C4orf54: variants seen among roughly 807,000 people sequenced by gnomAD.
C4orf54 encodes chromosome 4 open reading frame 54.
A neutral mutation model predicts 80.1 loss-of-function variants in C4orf54; 67 were observed. That is an observed-to-expected ratio of 0.84 (90% CI 0.69 to 1.03). The LOEUF (loss-of-function observed/expected upper bound fraction) is 1.03, where lower values mean the gene tolerates loss of function less well. Among genes scored for constraint, C4orf54 ranks in the 50% least tolerant of loss-of-function variants. The probability of loss-of-function intolerance (pLI) is 0.00; values close to 1 mark genes in which losing one functional copy is unlikely to be tolerated. For missense variants in C4orf54, 2,434 were observed against 2,253.5 expected (o/e 1.08, Z -1.62); for synonymous variants, 1,000 against 917.0 (o/e 1.09, Z -1.64).
At chr4:99,643,792 A>ACACACACACACACACCCCCC (rs61130907) in intron 2 of C4orf54, among the ~76,000 whole-genome samples, 2 of 98,906 alleles carry the variant, frequency 2.0e-5, no homozygotes, top group Admixed American at 2.3e-4. Flanking sequence ...ACACACACAC[A>ACACACACACACACACCCCCC]CCCCCTCCGC....
intron 2 of C4orf54, 93 bp downstream of exon 2, chr4:99,649,138 C>A: frequency 8.6e-7 from 1 of 1,159,822 alleles, no homozygotes; most frequent in Non-Finnish European, 1.2e-6. Context: ...CTAGAGACAG[C>A]CTCCTTTATT....
In C4orf54 at chr4:99,649,359, T is replaced by C; in HGVS notation, c.5290A>G (p.Ile1764Val). Residue 1764 changes from isoleucine (I) to valine (V), a missense_variant, in exon 2 of 3, where the codon ATC becomes GTC. Coordinates refer to ENST00000511828, the MANE Select transcript of C4orf54 (RefSeq NM_001354435.2). ...AFAQLHGKPV[I>V]SITSQPLGPR... ...CCCAGGGGCTGCGAAGTAATGCTGA[T>C]GACAGGCTTGCCATGCAGCTGGGCA... 2 of 1,536,134 alleles carry C rather than the reference T, an allele frequency of 1.3e-6. No homozygotes were observed. The highest frequency in any genetic ancestry group is 1.7e-6 in the Non-Finnish European group (2 of 1,146,914).
chr4:99,640,039 C>T lies in C4orf54; in HGVS notation c.*1194G>A, dbSNP rs911626076. ...AATGTAACATTTGCCAAGTATATAT[C>T]GATACACTTATTATGACAAGCTAAA... On this transcript the variant is annotated 3_prime_UTR_variant, in exon 3 of 3. Transcript: ENST00000511828. The T allele has an allele frequency of 2.0e-5, 3 of 151,998 alleles. No homozygotes were observed. Among genetic ancestry groups the T allele is most frequent in the African/African-American group, 7.2e-5 (3 of 41,386 alleles). 9.4% of individuals were successfully genotyped at this position (151,998 alleles called of 1,614,324 possible).
rs1006306027 is a variant in C4orf54 at position 99,651,616 on chromosome 4, G to C, written c.3033C>G (p.Tyr1011Ter). ...DKQPRKQATKYPAAQATSTAV... is the reference protein window; with the variant it reads ...DKQPRKQATK ...CTGTGGAGGTGGCCTGAGCAGCAGG[G>C]TACTTGGTGGCCTGCTTCCTCGGCT... is the stretch of plus-strand genomic sequence containing the variant. Residue 1011 changes from tyrosine (Y) to a stop codon, truncating the protein, a stop_gained, in exon 2 of 3, where the codon TAC becomes TAG. Coordinates refer to ENST00000511828, the MANE Select transcript of C4orf54 (RefSeq NM_001354435.2). LOFTEE classifies it high-confidence loss of function. The C allele has an allele frequency of 5.9e-6, 9 of 1,536,100 alleles. No individual in the cohort carries two copies. Among genetic ancestry groups the C allele is most frequent in the Non-Finnish European group, 7.8e-6 (9 of 1,146,904 alleles).
intron 2 of C4orf54, among the ~76,000 whole-genome samples, chr4:99,642,407 A>T (rs1257366477): frequency 6.6e-6 from 1 of 152,216 alleles, no homozygotes; most frequent in Non-Finnish European, 1.5e-5. Context: ...GAGAGAAAAG[A>T]AAGAAACAAT....
chr4:99,653,285 G>A lies in C4orf54; in HGVS notation c.1364C>T (p.Pro455Leu). ...PSPTSSDLAR[P>L]NAGRSGRDTS... ...GTCGCGGCCACTGCGGCCTGCATTG[G>A]GGCGGGCCAGGTCGCTGCTTGTAGG... The change falls in exon 2 of 3, where the codon CCC becomes CTC. Residue 455 changes from proline (P) to leucine (L), a missense_variant. Transcript: ENST00000511828. 1 of 1,530,874 alleles carries A rather than the reference G, an allele frequency of 6.5e-7. No homozygotes were observed. Among genetic ancestry groups the A allele is most frequent in the Non-Finnish European group, 8.7e-7 (1 of 1,143,538 alleles). 94.8% of individuals were successfully genotyped at this position (1,530,874 alleles called of 1,614,324 possible).
chr4:99,651,512 G>A lies in C4orf54; in HGVS notation c.3137C>T (p.Ala1046Val). The change falls in exon 2 of 3, where the codon GCC becomes GTC. Residue 1046 changes from alanine to valine, a missense_variant. Ala to Val is a moderately conservative substitution (Grantham distance 64). Coordinates refer to ENST00000511828, the MANE Select transcript of C4orf54 (RefSeq NM_001354435.2). ...GGCCAGCTTGGGCGTGAGCAACTTG[G>A]CAATGTTGAAGTCTGAGCTCGGCTG... Reference protein sequence around the residue: ...VQQPSSDFNIAKLLTPKLAGG... With the variant: ...VQQPSSDFNIVKLLTPKLAGG... The A allele has an allele frequency of 1.3e-6, 2 of 1,536,196 alleles. No homozygotes were observed. The highest frequency in any genetic ancestry group is 2.4e-5 in the South Asian group (2 of 84,030).
rs778159331 is a variant in C4orf54, at chr4:99,650,853, C to G, written c.3796G>C (p.Glu1266Gln). 1 of 1,536,222 alleles carries G rather than the reference C, an allele frequency of 6.5e-7. No individual in the cohort carries two copies. The highest frequency in any genetic ancestry group is 1.2e-5 in the South Asian group (1 of 84,042). Residue 1266 changes from glutamate to glutamine, a missense_variant, in exon 2 of 3, where the codon GAG becomes CAG. By Grantham distance (29) the Glu-to-Gln change is conservative (BLOSUM62 2). Transcript: ENST00000511828. The part of the protein sequence containing the change: ...KLTAAVRSME[E>Q]LYSFNRNEWK... ...TCGTTCCTGTTGAAGCTGTACAGCT[C>G]TTCCATGGACCTCACGGCTGCAGTC...
rs761112076 is a variant in C4orf54 at position 99,652,591 on chromosome 4, G to A, written c.2058C>T (p.Ala686=). The change falls in exon 2 of 3, where the codon GCC becomes GCT. Residue 686 remains alanine (A), a synonymous_variant. Transcript: ENST00000511828. ...VEQSLLRSSA[A]SVAAGLRKGS... is the part of the protein sequence containing the mutation. ...CCTTCCTCAGACCTGCAGCCACAGA[G>A]GCCGCGCTGCTCCTGAGGAGGCTCT... 3 of 1,535,936 alleles carry A rather than the reference G, an allele frequency of 2.0e-6. No homozygotes were observed. The highest frequency in any genetic ancestry group is 2.7e-5 in the African/African-American group (2 of 73,022).
intron 1 of C4orf54, among the ~76,000 whole-genome samples, chr4:99,657,051 A>G (rs1481255242): frequency 6.6e-6 from 1 of 152,288 alleles, no homozygotes; most frequent in African/African-American, 2.4e-5. Context: ...TCCTAGAAAT[A>G]AAATGAAATA....
rs981646468 is a variant in C4orf54, at chr4:99,640,192, T to C, written c.*1041A>G. ...CAATAAAAGATTCTGTGATTTGGAT[T>C]CTTGACATCTCTTCAAACCTGCCTC... is the stretch of plus-strand genomic sequence containing the variant. On this transcript the variant is annotated 3_prime_UTR_variant, in exon 3 of 3. Coordinates refer to ENST00000511828, the MANE Select transcript of C4orf54 (RefSeq NM_001354435.2). 3 of 152,146 alleles carry C rather than the reference T, an allele frequency of 2.0e-5. No individual in the cohort carries two copies. The highest frequency in any genetic ancestry group is 4.8e-5 in the African/African-American group (2 of 41,442). 9.4% of individuals were successfully genotyped at this position (152,146 alleles called of 1,614,324 possible).
chr4:99,653,740 T>A lies in C4orf54; in HGVS notation c.909A>T (p.Leu303Phe). 6.5e-7 allele frequency: 1 copy of A among 1,535,710 alleles called. No homozygotes were observed. Among genetic ancestry groups the A allele is most frequent in the Non-Finnish European group, 8.7e-7 (1 of 1,146,738 alleles). ...TGALATSSSSLGFESESGESE... is the reference protein window; with the variant it reads ...TGALATSSSSFGFESESGESE... The stretch of plus-strand genomic sequence containing the variant: ...TTTCACCACTCTCACTCTCGAAGCC[T>A]AAGGATGAAGAGGAGGTGGCCAGAG... The change falls in exon 2 of 3, where the codon TTA becomes TTT. Residue 303 changes from leucine to phenylalanine, a missense_variant. Leu to Phe is a conservative substitution (Grantham distance 22). Transcript: ENST00000511828.
chr4:99,649,564 T>C lies in C4orf54; in HGVS notation c.5085A>G (p.Thr1695=). The change falls in exon 2 of 3, where the codon ACA becomes ACG. Residue 1695 remains threonine (T), a synonymous_variant. Coordinates refer to ENST00000511828, the MANE Select transcript of C4orf54 (RefSeq NM_001354435.2). ...TTCCTCTTGGAGCGCGAGCAATTGG[T>C]GTGGGCTGCAGAGCATTGGTGGGCA... is the stretch of plus-strand genomic sequence containing the variant. ...TVLPTNALQP[T]PIARAPRGSE... 2.6e-6 allele frequency: 4 copies of C among 1,536,098 alleles called. No individual in the cohort carries two copies. Among genetic ancestry groups the C allele is most frequent in the Admixed American group, 3.9e-5 (2 of 50,992 alleles).
rs1205399819 is a variant in C4orf54, at chr4:99,653,680, C to T, written c.969G>A (p.Glu323=). 1 of 1,523,426 alleles carries T rather than the reference C, an allele frequency of 6.6e-7. No homozygotes were observed. Among genetic ancestry groups the T allele is most frequent in the Non-Finnish European group, 8.8e-7 (1 of 1,139,776 alleles). 94.4% of individuals were successfully genotyped at this position (1,523,426 alleles called of 1,614,324 possible). The change falls in exon 2 of 3, where the codon GAG becomes GAA. Residue 323 remains glutamate, a synonymous_variant. Transcript: ENST00000511828. The stretch of plus-strand genomic sequence containing the variant: ...CTCCTCCCCCTCCTCCTGATATTTT[C>T]TCTCCTTCTCCTCCCACGGCCTGGC... The part of the protein sequence containing the change: ...EGCQAVGGEG[E]KISGGGGGGK...
At chr4:99,644,506 T>A (rs1163440621) in intron 2 of C4orf54, among the ~76,000 whole-genome samples, 1 of 151,860 alleles carries the variant, frequency 6.6e-6, no homozygotes, top group Non-Finnish European at 1.5e-5. Context: ...ACCAAGTTAG[T>A]GGGGAAAATA....
chr4:99,643,545 C>A (rs1382938201), intron 2 of C4orf54, among the ~76,000 whole-genome samples: 1 of 152,150 alleles, frequency 6.6e-6, no homozygotes, highest in African/African-American at 2.4e-5. Context: ...AATTCTCCTA[C>A]CTCTGGGAGC....
In C4orf54 at chr4:99,653,259, T is replaced by C. The variant is rs1469978362; in HGVS notation, c.1390A>G (p.Thr464Ala). ...RPNAGRSGRDTSSTEVGSGPS... is the reference protein window; with the variant it reads ...RPNAGRSGRDASSTEVGSGPS... Reference sequence around the variant, plus strand: ...CCACTGCCCACTTCGGTGCTGCTGGTGTCGCGGCCACTGCGGCCTGCATTG... The same window carrying C: ...CCACTGCCCACTTCGGTGCTGCTGGCGTCGCGGCCACTGCGGCCTGCATTG... Residue 464 changes from threonine (T) to alanine (A), a missense_variant, in exon 2 of 3, where the codon ACC (threonine) becomes GCC (alanine). Physicochemically the swap from Thr to Ala is moderately conservative, Grantham distance 58. Transcript: ENST00000511828. The C allele has an allele frequency of 8.5e-6, 13 of 1,531,152 alleles. No homozygotes were observed. Among genetic ancestry groups the C allele is most frequent in the Non-Finnish European group, 1.0e-5 (12 of 1,143,530 alleles). 94.8% of individuals were successfully genotyped at this position (1,531,152 alleles called of 1,614,324 possible). A position where few individuals can be genotyped will look rare whatever the true frequency, so the allele number is the denominator to read the frequency against.
chr4:99,646,520 G>T (rs540617155), intron 2 of C4orf54, among the ~76,000 whole-genome samples: 19 of 152,092 alleles, frequency 1.2e-4, no homozygotes, highest in Middle Eastern at 3.4e-3. Flanking sequence ...TCCCTTTTTT[G>T]CTCCATGCCT....
chr4:99,654,703 C>T (rs1578278715), intron 1 of C4orf54, 24 bp from the exon 2 acceptor site: 3 of 636,770 alleles, frequency 4.7e-6, no homozygotes, highest in East Asian at 2.7e-5. Context: ...GAGAAGGTCA[C>T]GTCATTCCAG....
Sources: gnomAD v4.1 joint callset for allele counts (sites outside exome capture counted in the v4.1 genomes callset) on GRCh38, gnomAD v4.1.1 for gene constraint, MANE v1.5 for transcripts, NCBI Gene and HGNC (gene_info 2026-07-23, HGNC 2026-07-21) for gene names.